LTBP1: variants seen among roughly 807,000 people sequenced by gnomAD.
LTBP1 encodes the protein latent transforming growth factor beta binding protein 1.
Under a neutral mutation model 207.6 loss-of-function variants are expected in LTBP1, and 129 were observed. The ratio of observed to expected loss-of-function variants is 0.62; its 90% CI spans 0.54 to 0.72. The LOEUF (loss-of-function observed/expected upper bound fraction) is 0.72. Among genes scored for constraint, LTBP1 ranks in the 30% least tolerant of loss-of-function variants. The probability of loss-of-function intolerance (pLI) is 0.00; values close to 1 mark genes in which losing one functional copy is unlikely to be tolerated. For synonymous variants in LTBP1, 963 were observed against 833.7 expected (o/e 1.16, Z -2.67); for missense variants, 2,281 against 2,217.2 (o/e 1.03, Z -0.58).
At chr2:33,055,842 G>T (rs2076968982) in intron 3 of LTBP1, among the ~76,000 whole-genome samples, 1 of 152,182 alleles carries the variant, frequency 6.6e-6, no homozygotes, top group Admixed American at 6.5e-5. Context: ...ATAACCCATA[G>T]CCCGTGGGTT....
intron 22 of LTBP1, among the ~76,000 whole-genome samples, chr2:33,308,823 A>G (rs1274500250): frequency 6.6e-6 from 1 of 152,216 alleles, no homozygotes; most frequent in Non-Finnish European, 1.5e-5. Flanking sequence ...AATGCATAAT[A>G]CAGAAGCTTG....
chr2:33,182,878 A>C (rs920977490), intron 5 of LTBP1, among the ~76,000 whole-genome samples: 1 of 151,602 alleles, frequency 6.6e-6, no homozygotes, highest in Non-Finnish European at 1.5e-5. Context: ...TTGCCAAAGC[A>C]TTAAAAATGT....
intron 10 of LTBP1, among the ~76,000 whole-genome samples, chr2:33,250,128 A>G (rs996527684): frequency 6.6e-6 from 1 of 152,222 alleles, no homozygotes; most frequent in African/African-American, 2.4e-5. Context: ...GAGTGTGAAA[A>G]TACTAGAGAT....
intron 7 of LTBP1, among the ~76,000 whole-genome samples, chr2:33,198,260 G>A (rs1481710494): frequency 2.6e-5 from 4 of 152,018 alleles, no homozygotes; most frequent in African/African-American, 9.7e-5. Flanking sequence ...ACTTGATCAT[G>A]GTGGATAAGC....
intron 13 of LTBP1, among the ~76,000 whole-genome samples, chr2:33,260,555 G>C (rs2092982932): frequency 6.6e-6 from 1 of 152,146 alleles, no homozygotes; most frequent in Non-Finnish European, 1.5e-5. Context: ...TTATGGGATA[G>C]AGTAACATAT....
intron 3 of LTBP1, among the ~76,000 whole-genome samples, chr2:33,073,286 GT>G (rs775513441): frequency 0.018 from 344 of 18,792 alleles, no homozygotes; most frequent in East Asian, 0.026. Flanking sequence ...TGTTTTTTTT[GT>G]TTTTGTTTTT....
chr2:33,193,282 C>G (rs1391806764), intron 7 of LTBP1, among the ~76,000 whole-genome samples: 1 of 152,142 alleles, frequency 6.6e-6, no homozygotes, highest in East Asian at 1.9e-4. Flanking sequence ...GCTGGAATTA[C>G]AGGTGTGCAC....
intron 2 of LTBP1, among the ~76,000 whole-genome samples, chr2:32,974,422 C>T (rs569776756): frequency 5.3e-5 from 8 of 152,202 alleles, no homozygotes; most frequent in South Asian, 4.1e-4. Flanking sequence ...TGCCCATTTT[C>T]GATGGGATTA....
At chr2:33,215,210 A>G (rs537144135) in intron 7 of LTBP1, among the ~76,000 whole-genome samples, 1 of 152,280 alleles carries the variant, frequency 6.6e-6, no homozygotes, top group African/African-American at 2.4e-5. Context: ...AATGTTCAGC[A>G]TTGCACATGC....
rs1028370244 is a variant in LTBP1, at chr2:32,975,597, T to G, written c.565+26652T>G. ...ATTCATTCTTTGTTTTTTTTTTTTT[T>G]TTTTTTTTTTTTTTTTTTTTTTTTG... is the stretch of plus-strand genomic sequence containing the variant. On this transcript the variant is annotated intron_variant, in intron 2 of 33. Transcript: ENST00000404816. Among the ~76,000 whole-genome samples, 112 of 124,042 alleles carry G rather than the reference T, an allele frequency of 9.0e-4. 2 individuals are homozygous for G. Among genetic ancestry groups the G allele is most frequent in the African/African-American group, 3.4e-3 (102 of 30,022 alleles). 81.4% of individuals were successfully genotyped at this position (124,042 alleles called of 152,430 possible). A position where few individuals can be genotyped will look rare whatever the true frequency, so the allele number is the denominator to read the frequency against.
At chr2:33,250,108 A>T (rs943764962) in intron 10 of LTBP1, among the ~76,000 whole-genome samples, 9 of 152,226 alleles carry the variant, frequency 5.9e-5, no homozygotes, top group African/African-American at 2.2e-4. Flanking sequence ...TTTACGCATC[A>T]TATTGACCGG....
chr2:33,395,035 G>A (rs940043669), intron 32 of LTBP1, among the ~76,000 whole-genome samples: 1 of 152,114 alleles, frequency 6.6e-6, no homozygotes, highest in South Asian at 2.1e-4. Context: ...ATTCCATGGT[G>A]TATATGTACC....
chr2:33,395,905 A>ATT (rs376980446), intron 32 of LTBP1, among the ~76,000 whole-genome samples: 3,140 of 144,394 alleles, frequency 0.022, 120 homozygotes, highest in African/African-American at 0.076. Context: ...TTCTAGCCAT[A>ATT]TATTTTTTTT....
chr2:33,052,759 G>A (rs1409204804), intron 3 of LTBP1, among the ~76,000 whole-genome samples: 1 of 152,120 alleles, frequency 6.6e-6, no homozygotes, highest in Non-Finnish European at 1.5e-5. Context: ...TAGTACCTTA[G>A]CCTCATTTGT....
rs1304869125 is a variant in LTBP1 at position 33,021,125 on chromosome 2, C to CGTA, written c.782_783insGTA (p.Pro261_Arg262insTer). ...TCATCTAAGAAGGCAGACACTCTACCAAGAGTCAGCCCTGTGGCCCAGATG... is the reference window on the plus strand; with the variant it reads ...TCATCTAAGAAGGCAGACACTCTACCGTAAAGAGTCAGCCCTGTGGCCCAGATG... On this transcript the variant is annotated stop_gained and inframe_insertion, in exon 3 of 34. Transcript: ENST00000404816. LOFTEE classifies it high-confidence loss of function. 2.5e-6 allele frequency: 4 copies of CGTA among 1,613,870 alleles called. No homozygotes were observed. Among genetic ancestry groups the CGTA allele is most frequent in the Non-Finnish European group, 8.5e-7 (1 of 1,179,960 alleles).
At chr2:33,302,283 GC>G (rs962246006) in intron 22 of LTBP1, among the ~76,000 whole-genome samples, 7 of 152,156 alleles carry the variant, frequency 4.6e-5, no homozygotes, top group Non-Finnish European at 8.8e-5. Flanking sequence ...TAAGTAACAA[GC>G]TTTTTCCCAG....
intron 15 of LTBP1, among the ~76,000 whole-genome samples, chr2:33,265,410 T>C (rs761703890): frequency 1.3e-4 from 20 of 152,222 alleles, no homozygotes; most frequent in Non-Finnish European, 2.2e-4. Context: ...TGGTTACCTA[T>C]CACAGACAAT....
At chr2:33,391,209 G>C (rs2095311705) in intron 32 of LTBP1, among the ~76,000 whole-genome samples, 1 of 151,974 alleles carries the variant, frequency 6.6e-6, no homozygotes, top group South Asian at 2.1e-4. Context: ...CCCAGGCCAG[G>C]AGCAGTGCCA....
At chr2:33,072,759 G>GC (rs2077861519) in intron 3 of LTBP1, among the ~76,000 whole-genome samples, 1 of 152,128 alleles carries the variant, frequency 6.6e-6, no homozygotes, top group African/African-American at 2.4e-5. Flanking sequence ...ATAGTATCAC[G>GC]CAAGTACTCT....
Sources: gnomAD v4.1 joint callset for allele counts (sites outside exome capture counted in the v4.1 genomes callset) on GRCh38, gnomAD v4.1.1 for gene constraint, MANE v1.5 for transcripts, NCBI Gene and HGNC (gene_info 2026-07-23, HGNC 2026-07-21) for gene names.